C2CD2: variants seen among roughly 807,000 people sequenced by gnomAD.
C2CD2 encodes C2 calcium dependent domain containing 2.
In C2CD2, 43 loss-of-function variants were observed where a neutral mutation model predicts 74.3. That is an observed-to-expected ratio of 0.58 (90% CI 0.45 to 0.75). The LOEUF (loss-of-function observed/expected upper bound fraction) is 0.75. C2CD2 is among the 30% of genes least tolerant of loss of function. The pLI is 0.00. For synonymous variants in C2CD2, 422 were observed against 390.7 expected (o/e 1.08, Z -0.94); for missense variants, 801 against 916.3 (o/e 0.87, Z 1.63).
intron 1 of C2CD2, among the ~76,000 whole-genome samples, chr21:41,946,728 A>C (rs1448401547): frequency 6.6e-6 from 1 of 152,304 alleles, no homozygotes; most frequent in South Asian, 2.1e-4. Flanking sequence ...AGTCACCTTA[A>C]CCAAGGCACC....
chr21:41,891,601 G>A (rs2064754780), intron 13 of C2CD2, among the ~76,000 whole-genome samples: 1 of 152,168 alleles, frequency 6.6e-6, no homozygotes, highest in Non-Finnish European at 1.5e-5. Flanking sequence ...GACCTCAGTG[G>A]TGTTTCTGAT....
intron 3 of C2CD2, among the ~76,000 whole-genome samples, chr21:41,919,283 C>T (rs7278416): frequency 0.27 from 40,506 of 152,196 alleles, 5,511 homozygotes; most frequent in Non-Finnish European, 0.29. Context: ...CATCAGTGTG[C>T]ATGTGTGTAT....
chr21:41,893,358 C>T (rs571909104), intron 13 of C2CD2, among the ~76,000 whole-genome samples: 1 of 152,200 alleles, frequency 6.6e-6, no homozygotes, highest in Non-Finnish European at 1.5e-5. Context: ...CAGAACAAGA[C>T]CCTGTCTCTC....
chr21:41,947,674 T>C (rs916663997), intron 1 of C2CD2, among the ~76,000 whole-genome samples: 3 of 152,208 alleles, frequency 2.0e-5, no homozygotes, highest in Admixed American at 6.5e-5. Context: ...AGCCCACCTT[T>C]ATTGTCTCAC....
chr21:41,937,756 C>G (rs763833325), intron 2 of C2CD2, among the ~76,000 whole-genome samples: 8 of 152,180 alleles, frequency 5.3e-5, no homozygotes, highest in Admixed American at 1.3e-4. Flanking sequence ...CAGATATACA[C>G]AATGGAATAT....
chr21:41,911,596 A>G (rs1328064003), intron 7 of C2CD2, among the ~76,000 whole-genome samples: 1 of 151,542 alleles, frequency 6.6e-6, no homozygotes, highest in Non-Finnish European at 1.5e-5. Context: ...TTCATTTACC[A>G]TGTTGGCCAG....
At chr21:41,933,634 C>T (rs1456532573) in intron 2 of C2CD2, among the ~76,000 whole-genome samples, 3 of 152,236 alleles carry the variant, frequency 2.0e-5, no homozygotes, top group African/African-American at 7.2e-5. Context: ...AATCCAAGCA[C>T]CCGAGGGTGT....
rs1242021517 is a variant in C2CD2, at chr21:41,886,972, A to T, written c.*2152T>A. 6.6e-6 allele frequency: 1 copy of T among 150,474 alleles called. No homozygotes were observed. Among genetic ancestry groups the T allele is most frequent in the East Asian group, 1.9e-4 (1 of 5,190 alleles). The allele number at this position is 150,474 out of a possible 1,614,324, so 9.3% of individuals were successfully genotyped here. A position where few individuals can be genotyped will look rare whatever the true frequency, so the allele number is the denominator to read the frequency against. The stretch of plus-strand genomic sequence containing the variant: ...GGCAACAGAGTGAAACTCCATCTCG[A>T]AAAAAAAATTTTTTAAATAAAAAAA... On this transcript the variant is annotated 3_prime_UTR_variant, in exon 14 of 14. Transcript: ENST00000380486.
rs756086357 is a variant in C2CD2, at chr21:41,907,179, C to G, written c.1144-13G>C. 3 of 1,612,542 alleles carry G rather than the reference C, an allele frequency of 1.9e-6. No homozygotes were observed. Among genetic ancestry groups the G allele is most frequent in the Non-Finnish European group, 8.5e-7 (1 of 1,178,562 alleles). ...CCATGTAAGAGAACTGCAGAGAAGA[C>G]GCGTTACTTGTTTCTGGTTTTGTGG... On this transcript the variant is annotated splice_polypyrimidine_tract_variant and intron_variant, in intron 9 of 13. Transcript: ENST00000380486.
At chr21:41,947,141 C>CTCTCTCTCTCTCT (rs1569084407) in intron 1 of C2CD2, among the ~76,000 whole-genome samples, 10 of 20,188 alleles carry the variant, frequency 5.0e-4, no homozygotes, top group African/African-American at 2.1e-3. Flanking sequence ...TCTCTCTCTC[C>CTCTCTCTCTCTCT]CTCCCTCCCT....
intron 8 of C2CD2, chr21:41,908,027 G>C: frequency 2.0e-6 from 1 of 506,386 alleles, no homozygotes; most frequent in Non-Finnish European, 3.5e-6. Context: ...GTCCGGCCCT[G>C]TGCCGGAGTG....
chr21:41,948,404 C>T lies in C2CD2; in HGVS notation c.279+4966G>A, dbSNP rs145995777. Among the ~76,000 whole-genome samples the T allele has an allele frequency of 4.7e-3, 720 of 152,118 alleles. 5 individuals carry two copies. The highest frequency in any genetic ancestry group is 0.016 in the African/African-American group (682 of 41,506). On this transcript the variant is annotated intron_variant, in intron 1 of 13. Transcript: ENST00000380486. Reference sequence around the variant, plus strand: ...CGGGGGGGTCGGGAGGAGGGCAGGGCGGGGAGCATCTTGGCTGAAGGGGAG... The same window carrying T: ...CGGGGGGGTCGGGAGGAGGGCAGGGTGGGGAGCATCTTGGCTGAAGGGGAG...
chr21:41,949,552 T>C (rs533691059), intron 1 of C2CD2, among the ~76,000 whole-genome samples: 34 of 152,280 alleles, frequency 2.2e-4, no homozygotes, highest in African/African-American at 6.5e-4. Flanking sequence ...GGAGTGTAAA[T>C]TAGTTCAACC....
intron 10 of C2CD2, among the ~76,000 whole-genome samples, chr21:41,906,438 T>C (rs1429198515): frequency 1.3e-5 from 2 of 152,232 alleles, no homozygotes; most frequent in African/African-American, 4.8e-5. Flanking sequence ...TGATCTCAGC[T>C]CACTGCAACC....
intron 3 of C2CD2, 182 bp from the exon 4 acceptor site, chr21:41,919,142 G>A (rs2065127531): frequency 1.6e-6 from 1 of 608,616 alleles, no homozygotes; most frequent in Non-Finnish European, 3.0e-6. Flanking sequence ...ATGAGCATGT[G>A]TGCTCATGTG....
chr21:41,933,932 C>G (rs530129234), intron 2 of C2CD2, among the ~76,000 whole-genome samples: 1 of 152,192 alleles, frequency 6.6e-6, no homozygotes, highest in South Asian at 2.1e-4. Context: ...AAAATTGTTG[C>G]AAAACAAAAC....
rs3746905 is a variant in C2CD2, at chr21:41,907,705, G to A, written c.1098C>T (p.Ser366=). The A allele has an allele frequency of 1.2e-3, 1,912 of 1,612,920 alleles. 46 individuals carry two copies. In the East Asian group the frequency reaches 0.039, roughly 33 times the overall value. Residue 366 remains serine, a synonymous_variant, in exon 9 of 14, where the codon AGC becomes AGT. Coordinates refer to ENST00000380486, the MANE Select transcript of C2CD2 (RefSeq NM_015500.2). ...PSGPQSFTLT[S]GSACGSSVLG... ...GCACCGAGCTGCCGCAGGCAGACCC[G>A]CTGGTCAGCGTGAAGCTCTGTGGCC...
intron 1 of C2CD2, 24 bp from the exon 2 acceptor site, chr21:41,942,269 G>A: frequency 6.6e-7 from 1 of 1,522,706 alleles, no homozygotes; most frequent in Non-Finnish European, 8.9e-7. Context: ...GCAGCATGAG[G>A]AGGGCATGCA....
In C2CD2 at chr21:41,918,218, C is replaced by G; in HGVS notation, c.607G>C (p.Ala203Pro). ...ACGTCAGACATCGCACTTGTCTCAG[C>G]CACCTGGTCCTGGTGAAAGAGGAGA... is the stretch of plus-strand genomic sequence containing the variant. The part of the protein sequence containing the change: ...QPKALGEDQV[A>P]ETSAMSDVLK... Residue 203 changes from alanine to proline, a missense_variant, in exon 5 of 14, where the codon GCT becomes CCT. Physicochemically the swap from Ala to Pro is conservative, Grantham distance 27. Coordinates refer to ENST00000380486, the MANE Select transcript of C2CD2 (RefSeq NM_015500.2). 1 of 1,614,104 alleles carries G rather than the reference C, an allele frequency of 6.2e-7. No homozygotes were observed. Among genetic ancestry groups the G allele is most frequent in the South Asian group, 1.1e-5 (1 of 91,082 alleles).
Sources: gnomAD v4.1 joint callset for allele counts (sites outside exome capture counted in the v4.1 genomes callset) on GRCh38, gnomAD v4.1.1 for gene constraint, MANE v1.5 for transcripts, NCBI Gene and HGNC (gene_info 2026-07-23, HGNC 2026-07-21) for gene names.